ITGA2: variants seen among roughly 807,000 people sequenced by gnomAD.
ITGA2 encodes the protein integrin subunit alpha 2.
A neutral mutation model predicts 146.3 loss-of-function variants in ITGA2; 101 were observed. The ratio of observed to expected loss-of-function variants is 0.69; its 90% CI spans 0.59 to 0.81. ITGA2 has a LOEUF of 0.81. Among genes scored for constraint, ITGA2 ranks in the 40% least tolerant of loss-of-function variants. The pLI is 0.00. For synonymous variants in ITGA2, 477 were observed against 487.1 expected (o/e 0.98, Z 0.27); for missense variants, 1,281 against 1,402.7 (o/e 0.91, Z 1.39).
intron 28 of ITGA2, chr5:53,088,921 CTA>C (rs1740271034): frequency 6.6e-6 from 1 of 152,098 alleles, no homozygotes; most frequent in African/African-American, 2.4e-5. Flanking sequence ...CCACAAAATG[CTA>C]TAGTCATGGG....
intron 6 of ITGA2, among the ~76,000 whole-genome samples, chr5:53,049,885 A>G (rs1222268708): frequency 2.0e-5 from 3 of 152,200 alleles, no homozygotes; most frequent in Admixed American, 6.5e-5. Flanking sequence ...CTTTCCAGCT[A>G]TCTTTATTGA....
intron 1 of ITGA2, among the ~76,000 whole-genome samples, chr5:53,015,074 G>C (rs1742335545): frequency 6.6e-6 from 1 of 151,630 alleles, no homozygotes; most frequent in African/African-American, 2.4e-5. Context: ...CTTTTTTATG[G>C]GTTTTTGTAC....
At chr5:53,018,900 C>T (rs1463203193) in intron 1 of ITGA2, among the ~76,000 whole-genome samples, 1 of 151,978 alleles carries the variant, frequency 6.6e-6, no homozygotes, top group Admixed American at 6.6e-5. Context: ...CCTATCTCTA[C>T]TAAAAATACA....
Position 53,042,663 on chromosome 5 carries a change from C to T in ITGA2, c.295+442C>T, listed in dbSNP as rs1030963232. Among the ~76,000 whole-genome samples the T allele has an allele frequency of 3.9e-5, 6 of 152,252 alleles. No individual in the cohort carries two copies. In the East Asian group the frequency reaches 1.2e-3, roughly 29 times the overall value. On this transcript the variant is annotated intron_variant, in intron 3 of 29. Transcript: ENST00000296585. ...TCTAAATGATGGCATTCTAATAAAA[C>T]AAATCCACAATTTGGAATTATTTGC...
intron 26 of ITGA2, among the ~76,000 whole-genome samples, chr5:53,082,762 A>G (rs1221842816): frequency 6.6e-6 from 1 of 152,174 alleles, no homozygotes; most frequent in African/African-American, 2.4e-5. Flanking sequence ...ATGTAAAATG[A>G]CATGTATCCA....
At chr5:52,996,180 C>T (rs913292925) in intron 1 of ITGA2, among the ~76,000 whole-genome samples, 1 of 152,098 alleles carries the variant, frequency 6.6e-6, no homozygotes, top group Non-Finnish European at 1.5e-5. Flanking sequence ...TGCCTTTAAG[C>T]AAACATGGGA....
chr5:52,991,835 A>G (rs1740975342), intron 1 of ITGA2, among the ~76,000 whole-genome samples: 1 of 152,244 alleles, frequency 6.6e-6, no homozygotes, highest in Non-Finnish European at 1.5e-5. Flanking sequence ...GCTTAATACC[A>G]TGAAAATGGT....
chr5:53,067,497 C>G (rs763109628), intron 16 of ITGA2, among the ~76,000 whole-genome samples: 8 of 151,770 alleles, frequency 5.3e-5, no homozygotes, highest in Non-Finnish European at 1.2e-4. Flanking sequence ...ATGACATAAC[C>G]AAGGGCCCTC....
At position 53,079,645 on chromosome 5, in the gene ITGA2, TA is replaced by T. The variant is rs201291690; in HGVS notation, c.2928+779del. ...TGGTTGCAACTCTGCAATTTTGTGA[TA>T]AAAAAAATCTTTAGAAGAATCTTTA... On this transcript the variant is annotated intron_variant, in intron 24 of 29. Transcript: ENST00000296585. Among the ~76,000 whole-genome samples, 1,023 of 152,164 alleles carry T rather than the reference TA, an allele frequency of 6.7e-3. 9 individuals carry two copies. The highest frequency in any genetic ancestry group is 0.022 in the African/African-American group (905 of 41,534).
chr5:52,989,814 G>GCGCACACACA (rs1554050585), intron 1 of ITGA2, among the ~76,000 whole-genome samples: 2 of 145,868 alleles, frequency 1.4e-5, no homozygotes, highest in Non-Finnish European at 3.1e-5. Context: ...GTACACACAC[G>GCGCACACACA]CACACACACA....
intron 1 of ITGA2, 140 bp downstream of exon 1, chr5:52,989,672 C>T (rs1740822015): frequency 4.6e-6 from 4 of 870,654 alleles, no homozygotes; most frequent in Non-Finnish European, 5.6e-6. Context: ...CTCCCAGCCA[C>T]CAGGACCTGC....
chr5:53,073,376 G>C (rs888372043), intron 20 of ITGA2, 117 bp downstream of exon 20: 2 of 1,113,508 alleles, frequency 1.8e-6, no homozygotes, highest in Non-Finnish European at 1.4e-6. Context: ...TGATCAATCT[G>C]AACTTTGTGG....
chr5:53,072,829 A>G (rs1745464595), intron 19 of ITGA2, 134 bp downstream of exon 19: 1 of 794,372 alleles, frequency 1.3e-6, no homozygotes, highest in South Asian at 1.6e-5. Context: ...TAAAAACTAA[A>G]TTTCAATGTC....
At chr5:53,073,091 T>A in intron 19 of ITGA2, 27 bp from the exon 20 acceptor site, 1 of 1,609,160 alleles carries the variant, frequency 6.2e-7, no homozygotes, top group Non-Finnish European at 8.5e-7. Flanking sequence ...GTAATGGCTT[T>A]TCCCCCCTCC....
chr5:53,009,827 C>T (rs1260125692), intron 1 of ITGA2, among the ~76,000 whole-genome samples: 1 of 152,080 alleles, frequency 6.6e-6, no homozygotes, highest in Non-Finnish European at 1.5e-5. Context: ...GAGGATGCAA[C>T]AAGAAGTCAG....
intron 2 of ITGA2, among the ~76,000 whole-genome samples, chr5:53,034,704 G>A (rs1386700008): frequency 6.6e-6 from 1 of 151,992 alleles, no homozygotes; most frequent in South Asian, 2.1e-4. Flanking sequence ...AAAGGTGACT[G>A]GGACTTACAC....
intron 1 of ITGA2, among the ~76,000 whole-genome samples, chr5:53,019,585 G>C (rs1033090146): frequency 2.0e-5 from 3 of 152,144 alleles, no homozygotes; most frequent in African/African-American, 7.2e-5. Flanking sequence ...CAGTGCAGTG[G>C]CATGATCTCG....
In ITGA2 at chr5:53,093,922, A is replaced by T. The variant is rs1740571064; in HGVS notation, c.*3323A>T. The T allele has an allele frequency of 6.5e-6, 1 of 152,726 alleles. No individual in the cohort carries two copies. Among genetic ancestry groups the T allele is most frequent in the Middle Eastern group, 3.4e-3 (1 of 290 alleles). The allele number at this position is 152,726 out of a possible 1,614,324, so 9.5% of individuals were successfully genotyped here. ...AATAAGAACTCCTAACTGAACAGAA[A>T]TTTTTCTACCTAGCAATGTTATTCT... On this transcript the variant is annotated 3_prime_UTR_variant, in exon 30 of 30. Transcript: ENST00000296585.
chr5:52,991,391 G>GTA (rs1278770510), intron 1 of ITGA2, among the ~76,000 whole-genome samples: 1 of 151,988 alleles, frequency 6.6e-6, no homozygotes, highest in African/African-American at 2.4e-5. Context: ...TACCCTATCT[G>GTA]TATAAAATTT....
Sources: gnomAD v4.1 joint callset for allele counts (sites outside exome capture counted in the v4.1 genomes callset) on GRCh38, gnomAD v4.1.1 for gene constraint, MANE v1.5 for transcripts, NCBI Gene and HGNC (gene_info 2026-07-23, HGNC 2026-07-21) for gene names.